DSCAM: variants seen among roughly 807,000 people sequenced by gnomAD.
The protein encoded by DSCAM is cell adhesion molecule DSCAM.
In DSCAM, 47 loss-of-function variants were observed where a neutral mutation model predicts 217.7. The observed-to-expected ratio is 0.22, with a 90% CI of 0.17 to 0.28. The LOEUF is 0.28. DSCAM is among the 10% of genes least tolerant of loss of function. The pLI, the probability that DSCAM is intolerant of heterozygous loss-of-function variation, is 1.00. For synonymous variants in DSCAM, 1,056 were observed against 1,015.3 expected (o/e 1.04, Z -0.76); for missense variants, 2,080 against 2,618.3 (o/e 0.79, Z 4.49).
At chr21:40,177,715 T>A (rs896958165) in intron 15 of DSCAM, among the ~76,000 whole-genome samples, 3 of 152,226 alleles carry the variant, frequency 2.0e-5, no homozygotes, top group African/African-American at 7.2e-5. Context: ...TTTGGCAATA[T>A]GAGATTTGTT....
chr21:40,805,537 T>G (rs2091778000), intron 1 of DSCAM, among the ~76,000 whole-genome samples: 2 of 152,046 alleles, frequency 1.3e-5, no homozygotes, highest in South Asian at 4.2e-4. Context: ...CAACCAAAGT[T>G]TCCTTCCCCT....
At chr21:40,455,364 A>G (rs2075754976) in intron 3 of DSCAM, among the ~76,000 whole-genome samples, 1 of 152,220 alleles carries the variant, frequency 6.6e-6, no homozygotes, top group African/African-American at 2.4e-5. Flanking sequence ...ATAAGCTATC[A>G]GAATACTTGA....
intron 3 of DSCAM, among the ~76,000 whole-genome samples, chr21:40,685,970 T>G (rs112604780): frequency 6.6e-6 from 1 of 151,958 alleles, no homozygotes; most frequent in Non-Finnish European, 1.5e-5. Context: ...CAGAGAGAGA[T>G]AGAAACGCCT....
At chr21:40,167,991 G>A (rs2090615783) in intron 15 of DSCAM, among the ~76,000 whole-genome samples, 2 of 152,164 alleles carry the variant, frequency 1.3e-5, no homozygotes, top group Admixed American at 1.3e-4. Flanking sequence ...AATCCAGGAG[G>A]CAGACGTTGC....
At position 40,656,323 on chromosome 21, in the gene DSCAM, G is replaced by A. The variant is rs568123725; in HGVS notation, c.508+36487C>T. On this transcript the variant is annotated intron_variant, in intron 3 of 32. Transcript: ENST00000400454. ...CTGATGATCTTTAGTTTCCTCACCA[G>A]CCCCTTCAAAATCCTAATGTGAAAA... Among the ~76,000 whole-genome samples the A allele has an allele frequency of 3.0e-4, 45 of 152,074 alleles. No individual in the cohort carries two copies. The South Asian group carries it at 3.1e-3, about 11-fold the overall frequency.
At chr21:40,365,401 C>T (rs1569087005) in intron 4 of DSCAM, among the ~76,000 whole-genome samples, 1 of 152,170 alleles carries the variant, frequency 6.6e-6, no homozygotes, top group African/African-American at 2.4e-5. Flanking sequence ...CTTGGACCTT[C>T]GACCACAGAC....
At position 40,578,425 on chromosome 21, in the gene DSCAM, CCAATCAGCACTCTGTAAAACAG is replaced by C. The variant is rs2076872974; in HGVS notation, c.508+114363_508+114384del. ...CCAGTCAGCACTCTGTAAAAACGCA[CCAATCAGCACTCTGTAAAACAG>C]ACCAATCAGCACTCTGTAAAACGGA... On this transcript the variant is annotated intron_variant, in intron 3 of 32. Transcript: ENST00000400454. Among the ~76,000 whole-genome samples the C allele has an allele frequency of 1.5e-4, 6 of 40,674 alleles. No individual in the cohort carries two copies. In the South Asian group the frequency reaches 3.3e-3, roughly 23 times the overall value. 26.7% of individuals were successfully genotyped at this position (40,674 alleles called of 152,430 possible).
At chr21:40,569,342 A>T (rs757925605) in intron 3 of DSCAM, among the ~76,000 whole-genome samples, 4 of 152,156 alleles carry the variant, frequency 2.6e-5, no homozygotes, top group Non-Finnish European at 5.9e-5. Context: ...GTTGCTATGA[A>T]GGTTATTGTG....
At chr21:40,178,799 A>T in intron 15 of DSCAM, 128 bp downstream of exon 15, 1 of 1,114,514 alleles carries the variant, frequency 9.0e-7, no homozygotes, top group Non-Finnish European at 1.3e-6. Flanking sequence ...GCACAGAACT[A>T]CGGAGAGCAC....
chr21:40,741,260 A>G (rs1003086768), intron 1 of DSCAM, among the ~76,000 whole-genome samples: 2 of 152,212 alleles, frequency 1.3e-5, no homozygotes, highest in African/African-American at 2.4e-5. Context: ...GACACTTAAA[A>G]ATGTCTACAG....
chr21:40,193,235 G>C (rs969418111), intron 11 of DSCAM, among the ~76,000 whole-genome samples: 3 of 152,190 alleles, frequency 2.0e-5, no homozygotes, highest in African/African-American at 2.4e-5. Flanking sequence ...TTCCTCGACA[G>C]CTGGAGGCTT....
chr21:40,218,352 G>A (rs2091261992), intron 11 of DSCAM, among the ~76,000 whole-genome samples: 1 of 152,108 alleles, frequency 6.6e-6, no homozygotes, highest in South Asian at 2.1e-4. Context: ...ATTGGACGAT[G>A]AGCCTGTTTT....
intron 3 of DSCAM, among the ~76,000 whole-genome samples, chr21:40,472,902 G>A (rs1359164061): frequency 2.0e-5 from 3 of 152,188 alleles, no homozygotes; most frequent in African/African-American, 7.2e-5. Flanking sequence ...GAGAAAGGGT[G>A]TTTGGCCATG....
intron 11 of DSCAM, among the ~76,000 whole-genome samples, chr21:40,260,264 G>A (rs1194533685): frequency 6.6e-6 from 1 of 152,116 alleles, no homozygotes; most frequent in African/African-American, 2.4e-5. Context: ...CACAAAAAGT[G>A]GACATCTAAC....
chr21:40,370,756 A>G (rs983332081), intron 3 of DSCAM, among the ~76,000 whole-genome samples: 2 of 151,984 alleles, frequency 1.3e-5, no homozygotes, highest in Non-Finnish European at 2.9e-5. Flanking sequence ...GAATAGCTGG[A>G]ACTATGGGAG....
chr21:40,557,708 A>G (rs2076683228), intron 3 of DSCAM, among the ~76,000 whole-genome samples: 1 of 152,128 alleles, frequency 6.6e-6, no homozygotes, highest in Non-Finnish European at 1.5e-5. Flanking sequence ...AGTGGAAGCA[A>G]CCTGAGGCCC....
intron 11 of DSCAM, among the ~76,000 whole-genome samples, chr21:40,268,406 A>G (rs2073568913): frequency 6.6e-6 from 1 of 152,162 alleles, no homozygotes; most frequent in South Asian, 2.1e-4. Context: ...CAGACTTCTC[A>G]GCAGATGCCA....
intron 3 of DSCAM, among the ~76,000 whole-genome samples, chr21:40,587,960 C>T (rs539207822): frequency 3.6e-4 from 55 of 152,262 alleles, no homozygotes; most frequent in Middle Eastern, 3.4e-3. Context: ...GCACTGCTGC[C>T]CACAGTGCTA....
rs192216234 is a variant in DSCAM at position 40,650,440 on chromosome 21, T to C, written c.508+42370A>G. Among the ~76,000 whole-genome samples the C allele has an allele frequency of 1.5e-4, 23 of 152,358 alleles. 1 individual carries two copies. In the East Asian group the frequency reaches 4.4e-3, roughly 29 times the overall value. On this transcript the variant is annotated intron_variant, in intron 3 of 32. Transcript: ENST00000400454. ...GTTAAACATTATTTCTGGGTGTGTCTGTGAAAGTGTTTTCAGAAGAGATTA... is the reference window on the plus strand; with the variant it reads ...GTTAAACATTATTTCTGGGTGTGTCCGTGAAAGTGTTTTCAGAAGAGATTA...
Sources: allele counts gnomAD v4.1 joint callset (sites outside exome capture counted in the v4.1 genomes callset), GRCh38; gene constraint gnomAD v4.1.1; transcripts MANE v1.5; gene names NCBI Gene and HGNC (gene_info 2026-07-23, HGNC 2026-07-21).